The following PLCE1 variants were observed in gnomAD, a reference collection of about 807,000 sequenced individuals.
PLCE1 encodes the protein 1-phosphatidylinositol 4,5-bisphosphate phosphodiesterase epsilon-1.
Under a neutral mutation model 242.8 loss-of-function variants are expected in PLCE1, and 119 were observed. The observed-to-expected ratio is 0.49, with a 90% CI of 0.42 to 0.57. PLCE1 has a LOEUF of 0.57. Among genes scored for constraint, PLCE1 ranks in the 20% least tolerant of loss-of-function variants. PLCE1 has a pLI of 0.00. For missense variants in PLCE1, 2,441 were observed against 2,788.8 expected (o/e 0.88, Z 2.81); for synonymous variants, 945 against 1,017.4 (o/e 0.93, Z 1.35).
At chr10:94,237,351 TA>T (rs2050359400) in intron 7 of PLCE1, among the ~76,000 whole-genome samples, 1 of 152,248 alleles carries the variant, frequency 6.6e-6, no homozygotes. Context: ...CTGCCACTTT[TA>T]CTGAGTGTCA....
Position 94,298,807 on chromosome 10 carries a change from CAG to C in PLCE1, c.5458+140_5458+141del. 1.1e-6 allele frequency: 1 copy of C among 899,482 alleles called. No homozygotes were observed. The highest frequency in any genetic ancestry group is 1.4e-5 in the South Asian group (1 of 72,374). The allele number at this position is 899,482 out of a possible 1,614,324, so 55.7% of individuals were successfully genotyped here. On this transcript the variant is annotated intron_variant, in intron 24 of 32. Coordinates refer to ENST00000371380, the MANE Select transcript of PLCE1 (RefSeq NM_016341.4). This position sits in a 1 kb window ranked among gnomAD's most constrained non-coding sequence, Gnocchi z 5.2. ...AGAGTAAAAATATGATGATGGAAAA[CAG>C]AAGTGAATTTGATACTGAATTGTGC...
chr10:94,175,151 T>C (rs1238670419), intron 4 of PLCE1, among the ~76,000 whole-genome samples: 1 of 152,170 alleles, frequency 6.6e-6, no homozygotes, highest in Non-Finnish European at 1.5e-5. Context: ...AAAGTCTATC[T>C]CTTCTCACCC....
At chr10:94,215,684 G>A (rs2049497341) in intron 4 of PLCE1, among the ~76,000 whole-genome samples, 1 of 152,182 alleles carries the variant, frequency 6.6e-6, no homozygotes, top group Non-Finnish European at 1.5e-5. Context: ...GGAGCCAGCA[G>A]CAGAGAGAGG....
chr10:94,307,999 G>A (rs114983142), intron 26 of PLCE1, among the ~76,000 whole-genome samples: 3,971 of 152,088 alleles, frequency 0.026, 55 homozygotes, highest in South Asian at 0.041. Context: ...CCCCATGTAC[G>A]TAACACATGA....
chr10:94,115,788 A>G (rs2046107578), intron 2 of PLCE1, among the ~76,000 whole-genome samples: 1 of 152,006 alleles, frequency 6.6e-6, no homozygotes, highest in Non-Finnish European at 1.5e-5. Context: ...TTCATTCCCC[A>G]TTGAAGTCAG....
chr10:94,141,163 AC>A (rs1365689036), intron 3 of PLCE1, among the ~76,000 whole-genome samples: 1 of 152,128 alleles, frequency 6.6e-6, no homozygotes, highest in Non-Finnish European at 1.5e-5. Context: ...CAGGACAAAA[AC>A]CTGTTTTAGG....
chr10:94,085,951 G>A (rs1272683648), intron 2 of PLCE1, among the ~76,000 whole-genome samples: 3 of 152,116 alleles, frequency 2.0e-5, no homozygotes, highest in Non-Finnish European at 2.9e-5. Context: ...ACAAATAATC[G>A]AGAATTTGCA....
At chr10:94,114,215 C>T (rs1335853341) in intron 2 of PLCE1, among the ~76,000 whole-genome samples, 1 of 152,158 alleles carries the variant, frequency 6.6e-6, no homozygotes, top group African/African-American at 2.4e-5. Flanking sequence ...AGAAGGTAAA[C>T]CTCTAGAGGG....
intron 13 of PLCE1, among the ~76,000 whole-genome samples, chr10:94,259,426 G>T (rs2051218461): frequency 6.6e-6 from 1 of 152,000 alleles, no homozygotes; most frequent in African/African-American, 2.4e-5. Flanking sequence ...TGGGACTACT[G>T]GCATGTGCCA....
intron 31 of PLCE1, 99 bp from the exon 32 acceptor site, chr10:94,324,793 C>A: frequency 1.6e-6 from 2 of 1,254,960 alleles, no homozygotes; most frequent in Non-Finnish European, 2.3e-6. Context: ...CTCTCCAAAG[C>A]TCTAGAGAGA....
At chr10:94,237,890 CT>C (rs1366091306) in intron 7 of PLCE1, among the ~76,000 whole-genome samples, 1 of 152,176 alleles carries the variant, frequency 6.6e-6, no homozygotes, top group African/African-American at 2.4e-5. Flanking sequence ...AGGAACTATG[CT>C]TTGTTGATCT....
chr10:94,020,915 C>T (rs945248498), intron 1 of PLCE1, among the ~76,000 whole-genome samples: 4 of 152,140 alleles, frequency 2.6e-5, no homozygotes, highest in African/African-American at 4.8e-5. Flanking sequence ...CTGCAGGCTC[C>T]ACCTCCTGGC....
At chr10:94,136,277 T>C in intron 3 of PLCE1, among the ~76,000 whole-genome samples, 1 of 152,140 alleles carries the variant, frequency 6.6e-6, no homozygotes, top group East Asian at 1.9e-4. Context: ...GCTATAGAGT[T>C]TCTGTTTTGC....
At chr10:93,995,411 G>C (rs527641421) in intron 1 of PLCE1, among the ~76,000 whole-genome samples, 4 of 152,194 alleles carry the variant, frequency 2.6e-5, no homozygotes, top group African/African-American at 7.2e-5. Context: ...ACCTCCCCCT[G>C]CTCTGATTTC....
chr10:94,135,117 C>T (rs1029156595), intron 3 of PLCE1, among the ~76,000 whole-genome samples: 1 of 152,108 alleles, frequency 6.6e-6, no homozygotes, highest in South Asian at 2.1e-4. Flanking sequence ...CATTAGAAAA[C>T]CAGATGGGTT....
At chr10:94,156,405 C>T (rs1287709070) in intron 3 of PLCE1, among the ~76,000 whole-genome samples, 2 of 152,106 alleles carry the variant, frequency 1.3e-5, no homozygotes, top group African/African-American at 2.4e-5. Flanking sequence ...TTCTGAGGTT[C>T]GATCATTTGC....
intron 4 of PLCE1, among the ~76,000 whole-genome samples, chr10:94,193,042 C>T (rs1299132912): frequency 6.6e-6 from 1 of 152,202 alleles, no homozygotes; most frequent in African/African-American, 2.4e-5. Flanking sequence ...TTTTGTGCTA[C>T]AGTGTCAGGG....
intron 4 of PLCE1, among the ~76,000 whole-genome samples, chr10:94,197,450 T>C (rs921671557): frequency 9.2e-5 from 14 of 152,128 alleles, no homozygotes; most frequent in Non-Finnish European, 4.4e-5. Context: ...CCACCAACAA[T>C]GTATGAGGGT....
intron 3 of PLCE1, among the ~76,000 whole-genome samples, chr10:94,164,405 T>C (rs2047722150): frequency 6.6e-6 from 1 of 152,234 alleles, no homozygotes; most frequent in African/African-American, 2.4e-5. Context: ...ATTCATTTGA[T>C]CTTCCATCAC....
Sources: allele counts gnomAD v4.1 joint callset (sites outside exome capture counted in the v4.1 genomes callset), GRCh38; gene constraint gnomAD v4.1.1; non-coding constraint Gnocchi (gnomAD v3.1); transcripts MANE v1.5; gene names NCBI Gene and HGNC (gene_info 2026-07-23, HGNC 2026-07-21).